Variants in SKI observed in about 807,000 individuals in gnomAD.
The protein encoded by SKI is ski oncogene.
A neutral mutation model predicts 59.3 loss-of-function variants in SKI; 23 were observed. The ratio of observed to expected loss-of-function variants is 0.39; its 90% CI spans 0.28 to 0.55. SKI has a LOEUF of 0.55. SKI is among the 20% of genes least tolerant of loss of function. The pLI, the probability that SKI is intolerant of heterozygous loss-of-function variation, is 0.67. For missense variants in SKI, 1,017 were observed against 1,038.9 expected (o/e 0.98, Z 0.29); for synonymous variants, 673 against 488.6 (o/e 1.38, Z -4.98).
intron 5 of SKI, among the ~76,000 whole-genome samples, chr1:2,304,836 C>G (rs1640526658): frequency 6.6e-6 from 1 of 152,244 alleles, no homozygotes; most frequent in Non-Finnish European, 1.5e-5. Context: ...TTGGCTTGAC[C>G]ACAGCTTTCC....
chr1:2,285,217 C>T (rs889724100), intron 1 of SKI, among the ~76,000 whole-genome samples: 1 of 152,016 alleles, frequency 6.6e-6, no homozygotes, highest in African/African-American at 2.4e-5. Context: ...AACAAATGGA[C>T]TTAGATTCTT....
At chr1:2,294,580 C>T (rs974773964) in intron 1 of SKI, among the ~76,000 whole-genome samples, 2 of 152,274 alleles carry the variant, frequency 1.3e-5, no homozygotes, top group Middle Eastern at 3.2e-3. Context: ...CACCTTGTCA[C>T]GTCCTCCACT....
At chr1:2,241,993 G>A (rs572092810) in intron 1 of SKI, among the ~76,000 whole-genome samples, 2 of 152,296 alleles carry the variant, frequency 1.3e-5, no homozygotes, top group South Asian at 2.1e-4. Flanking sequence ...CTGTGTGTAC[G>A]TGTGTGGTGC....
intron 1 of SKI, among the ~76,000 whole-genome samples, chr1:2,261,579 T>C (rs773186630): frequency 1.3e-5 from 2 of 152,256 alleles, no homozygotes; most frequent in East Asian, 1.9e-4. Flanking sequence ...ACAGTTCTTA[T>C]ATGTTGATCC....
intron 1 of SKI, among the ~76,000 whole-genome samples, chr1:2,294,073 C>T (rs532384857): frequency 5.2e-4 from 79 of 152,186 alleles, no homozygotes; most frequent in African/African-American, 1.7e-3. Context: ...GGAAGGATGT[C>T]GTGCAGGAAG....
rs144783662 is a variant in SKI, at chr1:2,272,540, G to T, written c.970-30438G>T. Among the ~76,000 whole-genome samples the T allele has an allele frequency of 4.8e-3, 735 of 152,312 alleles. 5 individuals carry two copies. The highest frequency in any genetic ancestry group is 0.016 in the African/African-American group (659 of 41,566). ...TCCCCCACAGGCTACACAAGCCCTG[G>T]TCCTGCCAAGGCTCGGGGAAGCCCT... On this transcript the variant is annotated intron_variant, in intron 1 of 6. Transcript: ENST00000378536.
At chr1:2,254,350 C>G (rs550670167) in intron 1 of SKI, among the ~76,000 whole-genome samples, 1 of 152,326 alleles carries the variant, frequency 6.6e-6, no homozygotes, top group South Asian at 2.1e-4. Context: ...CTTCGTGTCA[C>G]AGGGTGCTTG....
intron 1 of SKI, among the ~76,000 whole-genome samples, chr1:2,291,987 G>A (rs1196885618): frequency 6.6e-6 from 1 of 152,226 alleles, no homozygotes; most frequent in African/African-American, 2.4e-5. Context: ...AATATGAAAA[G>A]TGAATTATCA....
intron 1 of SKI, among the ~76,000 whole-genome samples, chr1:2,277,387 C>T (rs1480498602): frequency 2.0e-5 from 3 of 152,128 alleles, no homozygotes; most frequent in Admixed American, 2.0e-4. Flanking sequence ...ATTGAATCAT[C>T]GGGCTGGTCT....
In SKI at chr1:2,307,856, T is replaced by C. The variant is rs1358199032; in HGVS notation, c.*1091T>C. The C allele has an allele frequency of 2.0e-5, 3 of 152,528 alleles. No individual in the cohort carries two copies. The highest frequency in any genetic ancestry group is 1.9e-4 in the East Asian group (1 of 5,186). 9.4% of individuals were successfully genotyped at this position (152,528 alleles called of 1,614,324 possible). A position where few individuals can be genotyped will look rare whatever the true frequency, so the allele number is the denominator to read the frequency against. On this transcript the variant is annotated 3_prime_UTR_variant, in exon 7 of 7. Coordinates refer to ENST00000378536, the MANE Select transcript of SKI (RefSeq NM_003036.4). ...CTTAGAAACCCCCTCTGGTGCTTGG[T>C]TGAACAAGGGAATCACAAGAAAACG...
chr1:2,261,562 G>A (rs907683139), intron 1 of SKI, among the ~76,000 whole-genome samples: 4 of 152,052 alleles, frequency 2.6e-5, no homozygotes, highest in Non-Finnish European at 5.9e-5. Context: ...GGATATAAAC[G>A]GCCACTACAG....
chr1:2,234,569 A>C (rs1012421089), intron 1 of SKI, among the ~76,000 whole-genome samples: 3 of 152,192 alleles, frequency 2.0e-5, no homozygotes, highest in Admixed American at 2.0e-4. Flanking sequence ...CCACAGCCCC[A>C]GCTTAGGTTA....
At chr1:2,285,006 T>C (rs1032787666) in intron 1 of SKI, among the ~76,000 whole-genome samples, 2 of 152,218 alleles carry the variant, frequency 1.3e-5, no homozygotes, top group Admixed American at 6.5e-5. Flanking sequence ...CTTTTTGTTC[T>C]TGCTAAAGTT....
chr1:2,246,088 A>T (rs1638988801), intron 1 of SKI, among the ~76,000 whole-genome samples: 2 of 152,118 alleles, frequency 1.3e-5, no homozygotes, highest in African/African-American at 2.4e-5. Context: ...GAGCCACCGC[A>T]TTCAGCCCGT....
rs2100917491 is a variant in SKI, at chr1:2,303,462, T to C, written c.1211+62T>C. 1 of 1,439,666 alleles carries C rather than the reference T, an allele frequency of 6.9e-7. No homozygotes were observed. The highest frequency in any genetic ancestry group is 9.7e-7 in the Non-Finnish European group (1 of 1,031,136). 89.2% of individuals were successfully genotyped at this position (1,439,666 alleles called of 1,614,324 possible). ...GGGGAGGCTCCACGAGGGCTGTGCA[T>C]GCGGACGCGCCCATGTTTCTGCAGG... On this transcript the variant is annotated intron_variant, in intron 3 of 6. Transcript: ENST00000378536. This position sits in a 1 kb window ranked among gnomAD's most constrained non-coding sequence, Gnocchi z 5.6.
rs3065260 is a variant in SKI at position 2,260,535 on chromosome 1, C to CTTTTTTTTTTTTTTTTTTTTTTTTTTTTT, written c.969+30823_969+30824insTTTTTTTTTTTTTTTTTTTTTTTTTTTTT. The stretch of plus-strand genomic sequence containing the variant: ...TCCAATTTTTCAGTTTGTTCTTTTT[C>CTTTTTTTTTTTTTTTTTTTTTTTTTTTTT]TTTTTTTTTTTTTTTTTTTTTTTGA... On this transcript the variant is annotated intron_variant, in intron 1 of 6. Transcript: ENST00000378536. Among the ~76,000 whole-genome samples, 29 of 67,820 alleles carry CTTTTTTTTTTTTTTTTTTTTTTTTTTTTT rather than the reference C, an allele frequency of 4.3e-4. 8 individuals are homozygous for CTTTTTTTTTTTTTTTTTTTTTTTTTTTTT. The highest frequency in any genetic ancestry group is 1.4e-3 in the African/African-American group (23 of 16,142). 44.5% of individuals were successfully genotyped at this position (67,820 alleles called of 152,430 possible).
At chr1:2,297,026 A>G (rs1450358104) in intron 1 of SKI, among the ~76,000 whole-genome samples, 1 of 151,756 alleles carries the variant, frequency 6.6e-6, no homozygotes, top group African/African-American at 2.4e-5. Context: ...TACTGAATGG[A>G]GGTGCCAGGC....
chr1:2,254,362 G>A (rs1639229570), intron 1 of SKI, among the ~76,000 whole-genome samples: 1 of 152,166 alleles, frequency 6.6e-6, no homozygotes, highest in Non-Finnish European at 1.5e-5. Flanking sequence ...GGGTGCTTGG[G>A]GGACTCTGCT....
Position 2,270,515 on chromosome 1 carries a change from A to G in SKI, c.970-32463A>G, listed in dbSNP as rs774805341. On this transcript the variant is annotated intron_variant, in intron 1 of 6. Coordinates refer to ENST00000378536, the MANE Select transcript of SKI (RefSeq NM_003036.4). This position sits in a 1 kb window ranked among gnomAD's most constrained non-coding sequence, Gnocchi z 4.1. ...GGAGGCCTGTGGTTCCTGGGCTGCC[A>G]TCTGGCGATTGTAAAACGGGCAGTG... Among the ~76,000 whole-genome samples the G allele has an allele frequency of 3.9e-5, 6 of 152,202 alleles. No individual in the cohort carries two copies. The highest frequency in any genetic ancestry group is 5.9e-5 in the Non-Finnish European group (4 of 68,010).
Sources: allele counts gnomAD v4.1 joint callset (sites outside exome capture counted in the v4.1 genomes callset), GRCh38; gene constraint gnomAD v4.1.1; non-coding constraint Gnocchi (gnomAD v3.1); transcripts MANE v1.5; gene names NCBI Gene and HGNC (gene_info 2026-07-23, HGNC 2026-07-21).